The following ASB7 variants were observed in gnomAD, a reference collection of about 807,000 sequenced individuals.
ASB7 encodes the protein ankyrin repeat and SOCS box protein 7.
Under a neutral mutation model 32.5 loss-of-function variants are expected in ASB7, and 4 were observed. The observed-to-expected ratio is 0.12, with a 90% CI of 0.06 to 0.28. The LOEUF is 0.28. Among genes scored for constraint, ASB7 ranks in the 10% least tolerant of loss-of-function variants. The pLI, the probability that ASB7 is intolerant of heterozygous loss-of-function variation, is 1.00. For missense variants in ASB7, 181 were observed against 407.1 expected (o/e 0.44, Z 4.78); for synonymous variants, 172 against 155.6 (o/e 1.11, Z -0.78).
chr15:100,625,235 G>T (rs975080915), intron 4 of ASB7, among the ~76,000 whole-genome samples: 2 of 152,168 alleles, frequency 1.3e-5, no homozygotes, highest in Non-Finnish European at 2.9e-5. Context: ...CTAACCAGTG[G>T]AATGAGGGCA....
At chr15:100,642,571 A>G (rs2039968649) in intron 5 of ASB7, among the ~76,000 whole-genome samples, 1 of 149,424 alleles carries the variant, frequency 6.7e-6, no homozygotes, top group Admixed American at 6.9e-5. Context: ...AAGCCCTCCC[A>G]CTGCCTGGTA....
chr15:100,610,301 T>C (rs1443626221), intron 3 of ASB7, among the ~76,000 whole-genome samples: 1 of 152,012 alleles, frequency 6.6e-6, no homozygotes, highest in Admixed American at 6.5e-5. Flanking sequence ...GAGACCATCC[T>C]GGCTAACACG....
intron 5 of ASB7, among the ~76,000 whole-genome samples, chr15:100,640,754 CG>C (rs1413074696): frequency 2.0e-5 from 3 of 152,134 alleles, no homozygotes; most frequent in African/African-American, 7.2e-5. Context: ...ATCATAAAAA[CG>C]GTAATGGCGA....
rs1414258512 is a variant in ASB7, at chr15:100,612,660, C to A, written c.211+233C>A. ...CCCTGAAACTGTAGTGTCTGTACAG[C>A]CAGGTTTGCCCAGGTTATTTCAGCT... On this transcript the variant is annotated intron_variant, in intron 4 of 5. Coordinates refer to ENST00000332783, the MANE Select transcript of ASB7 (RefSeq NM_198243.3). 8 of 554,720 alleles carry A rather than the reference C, an allele frequency of 1.4e-5. No individual in the cohort carries two copies. The East Asian group carries it at 2.5e-4, about 17-fold the overall frequency. The allele number at this position is 554,720 out of a possible 1,614,324, so 34.4% of individuals were successfully genotyped here. A position where few individuals can be genotyped will look rare whatever the true frequency, so the allele number is the denominator to read the frequency against.
chr15:100,626,510 G>C (rs2039838345), intron 4 of ASB7, among the ~76,000 whole-genome samples: 1 of 152,156 alleles, frequency 6.6e-6, no homozygotes, highest in Non-Finnish European at 1.5e-5. Flanking sequence ...AGATGGTGTA[G>C]CCATTTAAAA....
chr15:100,608,830 C>T (rs993497474), intron 2 of ASB7, among the ~76,000 whole-genome samples: 1 of 152,182 alleles, frequency 6.6e-6, no homozygotes, highest in African/African-American at 2.4e-5. Context: ...GTGGACTATA[C>T]CAATTTGGAT....
intron 4 of ASB7, among the ~76,000 whole-genome samples, chr15:100,618,622 GGTGTGTGTGT>G (rs57805541): frequency 6.7e-6 from 1 of 150,288 alleles, no homozygotes. Context: ...CTGTGTGTGT[GGTGTGTGTGT>G]GTGTGTGTGT....
intron 5 of ASB7, chr15:100,645,430 C>T (rs1043488804): frequency 2.9e-6 from 1 of 340,172 alleles, no homozygotes; most frequent in East Asian, 6.8e-5. Context: ...GTTCATGCCC[C>T]CCGGAATATC....
rs2040009962 is a variant in ASB7 at position 100,648,336 on chromosome 15, C to T, written c.831C>T (p.Asn277=). 1 of 1,595,084 alleles carries T rather than the reference C, an allele frequency of 6.3e-7. No individual in the cohort carries two copies. Among genetic ancestry groups the T allele is most frequent in the East Asian group, 2.3e-5 (1 of 44,248 alleles). The change falls in exon 6 of 6, where the codon AAC becomes AAT. Residue 277 remains asparagine, a synonymous_variant. Coordinates refer to ENST00000332783, the MANE Select transcript of ASB7 (RefSeq NM_198243.3). Reference sequence around the variant, plus strand: ...CTGTCTTTTTAGGACAGCCCAGAAACTTGCAGGACCTGTGCCGAATTAAAA... The same window carrying T: ...CTGTCTTTTTAGGACAGCCCAGAAATTTGCAGGACCTGTGCCGAATTAAAA... ...FLQEVTRQPR[N]LQDLCRIKIR...
chr15:100,627,404 G>A (rs369207598), intron 4 of ASB7, among the ~76,000 whole-genome samples: 35 of 152,128 alleles, frequency 2.3e-4, no homozygotes, highest in African/African-American at 6.5e-4. Flanking sequence ...CTGTCTAGGC[G>A]TTTTGTAGTT....
chr15:100,630,376 C>T (rs1290717318), intron 5 of ASB7, among the ~76,000 whole-genome samples: 1 of 152,164 alleles, frequency 6.6e-6, no homozygotes, highest in Non-Finnish European at 1.5e-5. Context: ...ATAATCTTAC[C>T]TGGCTTCCAT....
chr15:100,629,383 T>A lies in ASB7; in HGVS notation c.212-54T>A. The A allele has an allele frequency of 1.4e-6, 2 of 1,460,238 alleles. No homozygotes were observed. Among genetic ancestry groups the A allele is most frequent in the Non-Finnish European group, 1.9e-6 (2 of 1,065,176 alleles). The allele number at this position is 1,460,238 out of a possible 1,614,324, so 90.5% of individuals were successfully genotyped here. The stretch of plus-strand genomic sequence containing the variant: ...CACAGTTTGCTGTGCCATGGTAATG[T>A]TTGTTGTTTTGTCTTGGAGTCTGCT... On this transcript the variant is annotated intron_variant, in intron 4 of 5. Coordinates refer to ENST00000332783, the MANE Select transcript of ASB7 (RefSeq NM_198243.3). The surrounding 1 kb of genome is among the most constrained non-coding windows in gnomAD (Gnocchi z 6.8).
intron 2 of ASB7, among the ~76,000 whole-genome samples, chr15:100,607,565 T>G (rs191846748): frequency 6.6e-6 from 1 of 152,238 alleles, no homozygotes; most frequent in African/African-American, 2.4e-5. Context: ...CACTAGTACA[T>G]GCAGGGAGTA....
At chr15:100,613,956 C>G (rs1445648766) in intron 4 of ASB7, among the ~76,000 whole-genome samples, 1 of 152,118 alleles carries the variant, frequency 6.6e-6, no homozygotes, top group Non-Finnish European at 1.5e-5. Context: ...TATTTCCTGA[C>G]ACTATTACAT....
intron 4 of ASB7, among the ~76,000 whole-genome samples, chr15:100,621,267 G>C (rs1451001747): frequency 1.3e-5 from 2 of 152,152 alleles, no homozygotes; most frequent in African/African-American, 4.8e-5. Flanking sequence ...AGAGGAATCA[G>C]TCTTAAAAGC....
rs556371249 is a variant in ASB7 at position 100,602,806 on chromosome 15, C to T, written c.-513C>T. On this transcript the variant is annotated 5_prime_UTR_variant, in exon 1 of 6. Coordinates refer to ENST00000332783, the MANE Select transcript of ASB7 (RefSeq NM_198243.3). ...GAGCCCTGGACCGGGACTGCCCCCC[C>T]ACCCGAGCCAGGACTTCCTCCCTGC... The T allele has an allele frequency of 2.0e-5, 8 of 392,040 alleles. No homozygotes were observed. Among genetic ancestry groups the T allele is most frequent in the South Asian group, 1.4e-4 (1 of 6,970 alleles). The allele number at this position is 392,040 out of a possible 1,614,324, so 24.3% of individuals were successfully genotyped here. A position where few individuals can be genotyped will look rare whatever the true frequency, so the allele number is the denominator to read the frequency against.
intron 5 of ASB7, among the ~76,000 whole-genome samples, chr15:100,643,581 C>T (rs901379509): frequency 1.3e-5 from 2 of 150,290 alleles, no homozygotes; most frequent in Non-Finnish European, 3.0e-5. Flanking sequence ...CCTCTGCCTC[C>T]TGGGTTCAAG....
chr15:100,623,073 A>G (rs1352972723), intron 4 of ASB7, among the ~76,000 whole-genome samples: 1 of 152,228 alleles, frequency 6.6e-6, no homozygotes, highest in African/African-American at 2.4e-5. Context: ...TATACAAGGA[A>G]CTCAACAGTA....
chr15:100,630,242 C>T, intron 5 of ASB7, 200 bp downstream of exon 5: 1 of 1,262,060 alleles, frequency 7.9e-7, no homozygotes, highest in Non-Finnish European at 1.0e-6. Context: ...AATTGTGTTT[C>T]TAAATGTAAT....
Sources: gnomAD v4.1 joint callset for allele counts (sites outside exome capture counted in the v4.1 genomes callset) on GRCh38, gnomAD v4.1.1 for gene constraint, Gnocchi (gnomAD v3.1) non-coding constraint, MANE v1.5 for transcripts, NCBI Gene and HGNC (gene_info 2026-07-23, HGNC 2026-07-21) for gene names.